RXRA: variants seen among roughly 807,000 people sequenced by gnomAD.
RXRA encodes retinoic acid receptor RXR-alpha.
In RXRA, 5 loss-of-function variants were observed where a neutral mutation model predicts 44.5. That is an observed-to-expected ratio of 0.11 (90% CI 0.06 to 0.24). RXRA has a LOEUF of 0.24. Ranked by LOEUF, RXRA falls within the 10% of genes least tolerant of loss-of-function variation. The pLI is 1.00. For missense variants in RXRA, 412 were observed against 646.5 expected (o/e 0.64, Z 3.93); for synonymous variants, 291 against 271.4 (o/e 1.07, Z -0.71).
At chr9:134,336,292 T>C (rs543329789) in intron 1 of RXRA, among the ~76,000 whole-genome samples, 1 of 152,290 alleles carries the variant, frequency 6.6e-6, no homozygotes, top group Non-Finnish European at 1.5e-5. Context: ...CTCTGTCCTG[T>C]GTGACCCACC....
intron 4 of RXRA, among the ~76,000 whole-genome samples, chr9:134,414,684 CA>C (rs995553390): frequency 3.3e-5 from 5 of 152,236 alleles, no homozygotes; most frequent in African/African-American, 1.2e-4. Flanking sequence ...GGGAAGACAG[CA>C]GTGCCAGCTA....
At chr9:134,436,312 C>T (rs572458036) in intron 9 of RXRA, among the ~76,000 whole-genome samples, 155 bp from the exon 10 acceptor site, 13 of 152,364 alleles carry the variant, frequency 8.5e-5, no homozygotes, top group African/African-American at 3.1e-4. Flanking sequence ...CCCCTCCTTC[C>T]TTCTGGAGGC....
At chr9:134,333,918 C>A (rs868934153) in intron 1 of RXRA, among the ~76,000 whole-genome samples, 1 of 152,220 alleles carries the variant, frequency 6.6e-6, no homozygotes, top group Non-Finnish European at 1.5e-5. Context: ...TGTGCAGGCT[C>A]AGCCTTCCTT....
intron 4 of RXRA, among the ~76,000 whole-genome samples, chr9:134,412,006 C>T (rs1045201017): frequency 6.6e-6 from 1 of 152,188 alleles, no homozygotes; most frequent in Non-Finnish European, 1.5e-5. Context: ...CCCTCCTCCC[C>T]GGCCTGCGTC....
intron 9 of RXRA, among the ~76,000 whole-genome samples, chr9:134,435,844 C>G (rs1031599419): frequency 2.6e-5 from 4 of 152,182 alleles, no homozygotes; most frequent in African/African-American, 9.7e-5. Context: ...GATACTCACA[C>G]CCGCTCCCGG....
At chr9:134,345,810 T>C (rs1480687761) in intron 1 of RXRA, among the ~76,000 whole-genome samples, 2 of 152,230 alleles carry the variant, frequency 1.3e-5, no homozygotes, top group East Asian at 3.8e-4. Flanking sequence ...CTTGACTCTC[T>C]GGCCCGGCTC....
chr9:134,426,537 G>A lies in RXRA; in HGVS notation c.911-2571G>A, dbSNP rs1274915229. The A allele has an allele frequency of 6.2e-5, 61 of 985,458 alleles. No individual in the cohort carries two copies. Among genetic ancestry groups the A allele is most frequent in the Non-Finnish European group, 6.6e-5 (55 of 829,932 alleles). The allele number at this position is 985,458 out of a possible 1,614,324, so 61.0% of individuals were successfully genotyped here. ...AGAGAGACTCCGCACTGTTCTGTCC[G>A]TGTGTCTGGGCTCCTGACCTGTATC... On this transcript the variant is annotated intron_variant, in intron 6 of 9. Transcript: ENST00000481739. This position sits in a 1 kb window ranked among gnomAD's most constrained non-coding sequence, Gnocchi z 4.6.
Position 134,440,284 on chromosome 9 carries a change from C to T in RXRA, c.*3670C>T, listed in dbSNP as rs775570985. On this transcript the variant is annotated 3_prime_UTR_variant, in exon 10 of 10. Transcript: ENST00000481739. ...ACGGCGGCGAGGCTTGGGAGGAAAC[C>T]GCCGCAATGGGGGTGTCTTCCCTCG... The T allele has an allele frequency of 2.0e-5, 3 of 152,056 alleles. No homozygotes were observed. Among genetic ancestry groups the T allele is most frequent in the Admixed American group, 6.6e-5 (1 of 15,258 alleles). The allele number at this position is 152,056 out of a possible 1,614,324, so 9.4% of individuals were successfully genotyped here. A position where few individuals can be genotyped will look rare whatever the true frequency, so the allele number is the denominator to read the frequency against.
At chr9:134,422,266 C>A (rs202087429) in intron 6 of RXRA, 10 of 1,289,228 alleles carry the variant, frequency 7.8e-6, no homozygotes, top group Non-Finnish European at 1.0e-5. Flanking sequence ...CAGGACGCTC[C>A]CCGCTCCCAG....
In RXRA at chr9:134,434,681, G is replaced by A. The variant is rs1049772648; in HGVS notation, c.1241+474G>A. ...GCTCATGTTTCCCCCCTGCCCGGCT[G>A]TGGGCCCTGGAAGGGCTGGGGCTCC... On this transcript the variant is annotated intron_variant, in intron 9 of 9. Coordinates refer to ENST00000481739, the MANE Select transcript of RXRA (RefSeq NM_002957.6). Among the ~76,000 whole-genome samples the A allele has an allele frequency of 3.9e-5, 6 of 152,376 alleles. No homozygotes were observed. In the East Asian group the frequency reaches 9.7e-4, roughly 25 times the overall value.
chr9:134,377,487 G>A (rs1830574233), intron 1 of RXRA, among the ~76,000 whole-genome samples: 1 of 152,130 alleles, frequency 6.6e-6, no homozygotes. Flanking sequence ...CACCGCTCGG[G>A]AAGGCATGCG....
chr9:134,425,381 C>T (rs1322091717), intron 6 of RXRA: 1 of 985,114 alleles, frequency 1.0e-6, no homozygotes, highest in Non-Finnish European at 1.2e-6. Flanking sequence ...GATGAGTAAA[C>T]TGAGACAGGG....
intron 1 of RXRA, among the ~76,000 whole-genome samples, chr9:134,345,610 C>T (rs930862158): frequency 6.6e-6 from 1 of 152,184 alleles, no homozygotes; most frequent in African/African-American, 2.4e-5. Flanking sequence ...GCTGGTAGCC[C>T]CGGCAGAGGC....
chr9:134,362,636 G>C (rs947923749), intron 1 of RXRA, among the ~76,000 whole-genome samples: 1 of 152,228 alleles, frequency 6.6e-6, no homozygotes, highest in Non-Finnish European at 1.5e-5. Flanking sequence ...GGCATGGGCT[G>C]GGCACGGGGC....
At chr9:134,360,465 G>A (rs963658357) in intron 1 of RXRA, among the ~76,000 whole-genome samples, 7 of 152,244 alleles carry the variant, frequency 4.6e-5, no homozygotes, top group South Asian at 2.1e-4. Context: ...CCCTGGTCCC[G>A]CCGCCTGCAG....
chr9:134,378,113 G>A lies in RXRA; in HGVS notation c.29-23519G>A, dbSNP rs147908727. ...GTGGCTGGCGACGAGGAGCTAGCTCGGCAGGAAGCTGGCAGCCACCCAGGG... is the reference window on the plus strand; with the variant it reads ...GTGGCTGGCGACGAGGAGCTAGCTCAGCAGGAAGCTGGCAGCCACCCAGGG... On this transcript the variant is annotated intron_variant, in intron 1 of 9. Transcript: ENST00000481739. Among the ~76,000 whole-genome samples the A allele has an allele frequency of 2.0e-3, 302 of 152,370 alleles. 1 individual carries two copies. The highest frequency in any genetic ancestry group is 7.0e-3 in the African/African-American group (292 of 41,594).
rs73551904 is a variant in RXRA at position 134,366,966 on chromosome 9, C to G, written c.29-34666C>G. On this transcript the variant is annotated intron_variant, in intron 1 of 9. Transcript: ENST00000481739. The surrounding 1 kb of genome is among the most constrained non-coding windows in gnomAD (Gnocchi z 5.9). ...GGTTCCCGGGCCTGCACATCCCCAC[C>G]CCTGCCCTGCGTGCCACTCTCAGCC... Among the ~76,000 whole-genome samples, 3,734 of 152,214 alleles carry G rather than the reference C, an allele frequency of 0.025. 155 individuals carry two copies. Among genetic ancestry groups the G allele is most frequent in the African/African-American group, 0.085 (3,534 of 41,508 alleles).
At chr9:134,397,930 A>AG (rs1206685084) in intron 1 of RXRA, among the ~76,000 whole-genome samples, 1 of 152,022 alleles carries the variant, frequency 6.6e-6, no homozygotes, top group Non-Finnish European at 1.5e-5. Flanking sequence ...AAGTCAGTGA[A>AG]GACCAGCTGG....
At chr9:134,328,521 G>A (rs937934453) in intron 1 of RXRA, among the ~76,000 whole-genome samples, 7 of 152,170 alleles carry the variant, frequency 4.6e-5, no homozygotes, top group Non-Finnish European at 1.0e-4. Flanking sequence ...TCTCCCGACC[G>A]GCCCATGGCC....
Sources: allele counts gnomAD v4.1 joint callset (sites outside exome capture counted in the v4.1 genomes callset), GRCh38; gene constraint gnomAD v4.1.1; non-coding constraint Gnocchi (gnomAD v3.1); transcripts MANE v1.5; gene names NCBI Gene and HGNC (gene_info 2026-07-23, HGNC 2026-07-21).